Variants in PAG1 observed in about 807,000 individuals in gnomAD.
The protein encoded by PAG1 is phosphoprotein associated with glycosphingolipid-enriched microdomains 1.
Under a neutral mutation model 31.7 loss-of-function variants are expected in PAG1, and 23 were observed. That is an observed-to-expected ratio of 0.73 (90% CI 0.52 to 1.03). The LOEUF (loss-of-function observed/expected upper bound fraction) is 1.03. Ranked by LOEUF, PAG1 falls within the 50% of genes least tolerant of loss-of-function variation. The pLI is 0.00. For synonymous variants in PAG1, 214 were observed against 210.3 expected (o/e 1.02, Z -0.15); for missense variants, 473 against 540.7 (o/e 0.87, Z 1.24).
At chr8:81,106,094 G>A (rs1247046991) in intron 1 of PAG1, among the ~76,000 whole-genome samples, 1 of 152,132 alleles carries the variant, frequency 6.6e-6, no homozygotes, top group African/African-American at 2.4e-5. Context: ...CCAGGCCGGG[G>A]TGCAGTGGTG....
intron 3 of PAG1, among the ~76,000 whole-genome samples, chr8:81,026,738 C>T (rs548940871): frequency 1.0e-3 from 153 of 152,262 alleles, no homozygotes; most frequent in Middle Eastern, 6.8e-3. Flanking sequence ...ACCCTGCACA[C>T]GAAGGTGTCT....
In PAG1 at chr8:80,972,143, C is replaced by G; in HGVS notation, c.*4401G>C. On this transcript the variant is annotated 3_prime_UTR_variant, in exon 9 of 9. Transcript: ENST00000220597. ...TTTTCACATCAGTCATTTATTAACA[C>G]CAAACATTATACTTTAACTTTTCCC... The G allele has an allele frequency of 6.6e-6, 1 of 152,142 alleles. No individual in the cohort carries two copies. The highest frequency in any genetic ancestry group is 1.9e-4 in the East Asian group (1 of 5,196). The allele number at this position is 152,142 out of a possible 1,614,324, so 9.4% of individuals were successfully genotyped here. A position where few individuals can be genotyped will look rare whatever the true frequency, so the allele number is the denominator to read the frequency against.
intron 2 of PAG1, among the ~76,000 whole-genome samples, chr8:81,069,449 GA>G (rs1191168714): frequency 1.3e-5 from 2 of 152,136 alleles, no homozygotes; most frequent in African/African-American, 4.8e-5. Flanking sequence ...CGAAGTCCAG[GA>G]TTCATTATAA....
At chr8:81,081,594 C>G (rs1311480721) in intron 1 of PAG1, among the ~76,000 whole-genome samples, 1 of 152,146 alleles carries the variant, frequency 6.6e-6, no homozygotes, top group East Asian at 1.9e-4. Flanking sequence ...CCTACCACAT[C>G]CTTAACTCCT....
chr8:80,994,432 G>T (rs1807629886), intron 3 of PAG1, among the ~76,000 whole-genome samples: 1 of 152,196 alleles, frequency 6.6e-6, no homozygotes, highest in Non-Finnish European at 1.5e-5. Flanking sequence ...ATGTACCAGG[G>T]ATTCTGCTAA....
In PAG1 at chr8:81,111,620, G is replaced by A. The variant is rs1310170101; in HGVS notation, c.-263C>T. 1 of 152,332 alleles carries A rather than the reference G, an allele frequency of 6.6e-6. No individual in the cohort carries two copies. The highest frequency in any genetic ancestry group is 1.5e-5 in the Non-Finnish European group (1 of 68,118). The allele number at this position is 152,332 out of a possible 1,614,324, so 9.4% of individuals were successfully genotyped here. ...ACTCAGGAGGCAGGGAGTCTTCCTG[G>A]CGGACGGCGCTCGGAGGCAGCCTCT... On this transcript the variant is annotated 5_prime_UTR_variant, in exon 1 of 9. Coordinates refer to ENST00000220597, the MANE Select transcript of PAG1 (RefSeq NM_018440.4).
At chr8:81,072,248 T>C (rs1809106531) in intron 1 of PAG1, among the ~76,000 whole-genome samples, 1 of 152,194 alleles carries the variant, frequency 6.6e-6, no homozygotes, top group Non-Finnish European at 1.5e-5. Context: ...TGTTCCAACC[T>C]CCTGTCCCAC....
intron 6 of PAG1, among the ~76,000 whole-genome samples, chr8:80,987,106 G>A (rs768953819): frequency 9.9e-5 from 15 of 152,126 alleles, no homozygotes; most frequent in Non-Finnish European, 1.6e-4. Context: ...TGGGGTAAAT[G>A]AATTAGTACA....
chr8:81,020,852 T>C (rs922560587), intron 3 of PAG1, among the ~76,000 whole-genome samples: 2 of 152,268 alleles, frequency 1.3e-5, no homozygotes, highest in African/African-American at 2.4e-5. Flanking sequence ...ATAAACTCTA[T>C]GCTGTAATCA....
intron 1 of PAG1, among the ~76,000 whole-genome samples, chr8:81,074,178 C>T (rs7012111): frequency 0.048 from 7,343 of 152,204 alleles, 642 homozygotes; most frequent in African/African-American, 0.17. Context: ...GACAGAATAG[C>T]GGCACAGGGA....
At chr8:81,023,490 A>G (rs1232330590) in intron 3 of PAG1, among the ~76,000 whole-genome samples, 1 of 152,140 alleles carries the variant, frequency 6.6e-6, no homozygotes, top group African/African-American at 2.4e-5. Context: ...ATAATGAGAC[A>G]AGATAAAGCT....
chr8:81,106,700 C>T (rs1376423840), intron 1 of PAG1, among the ~76,000 whole-genome samples: 1 of 151,842 alleles, frequency 6.6e-6, no homozygotes, highest in African/African-American at 2.4e-5. Flanking sequence ...AGTATGAAAT[C>T]GAGAAAAAAT....
At chr8:80,980,380 G>C in intron 8 of PAG1, 55 bp downstream of exon 8, 1 of 920,174 alleles carries the variant, frequency 1.1e-6, no homozygotes, top group Non-Finnish European at 1.8e-6. Flanking sequence ...TATTCAAGGG[G>C]GGAAGGTCTA....
intron 5 of PAG1, among the ~76,000 whole-genome samples, chr8:80,989,027 C>T (rs1452620342): frequency 6.6e-6 from 1 of 152,210 alleles, no homozygotes; most frequent in Non-Finnish European, 1.5e-5. Flanking sequence ...TCTCATGCTC[C>T]AGGATTCTAC....
intron 6 of PAG1, among the ~76,000 whole-genome samples, chr8:80,986,230 C>T (rs1391168912): frequency 2.6e-5 from 4 of 152,192 alleles, no homozygotes; most frequent in Non-Finnish European, 5.9e-5. Context: ...ATCCCCCAAT[C>T]CTTCTGAACT....
At chr8:81,045,549 G>T (rs1808627530) in intron 2 of PAG1, among the ~76,000 whole-genome samples, 1 of 152,130 alleles carries the variant, frequency 6.6e-6, no homozygotes, top group Non-Finnish European at 1.5e-5. Context: ...ATTGGAGGTG[G>T]GGTGACAGCC....
chr8:81,079,803 C>G (rs1487564852), intron 1 of PAG1, among the ~76,000 whole-genome samples: 1 of 152,030 alleles, frequency 6.6e-6, no homozygotes, highest in Non-Finnish European at 1.5e-5. Flanking sequence ...GGGTCTCGCT[C>G]TGTTGCTCAG....
intron 3 of PAG1, among the ~76,000 whole-genome samples, chr8:81,025,128 G>A (rs1174139413): frequency 6.6e-6 from 1 of 151,670 alleles, no homozygotes; most frequent in Non-Finnish European, 1.5e-5. Context: ...CTCAATATCT[G>A]TTTGCCTCCT....
At chr8:81,090,494 C>T (rs1021029889) in intron 1 of PAG1, among the ~76,000 whole-genome samples, 2 of 152,218 alleles carry the variant, frequency 1.3e-5, no homozygotes, top group Non-Finnish European at 2.9e-5. Flanking sequence ...TAAGATGTGA[C>T]ATCGGCCTTC....
Sources: gnomAD v4.1 joint callset for allele counts (sites outside exome capture counted in the v4.1 genomes callset) on GRCh38, gnomAD v4.1.1 for gene constraint, MANE v1.5 for transcripts, NCBI Gene and HGNC (gene_info 2026-07-23, HGNC 2026-07-21) for gene names.